ZNF600: variants seen among roughly 807,000 people sequenced by gnomAD.
ZNF600 encodes the protein zinc finger protein KR-ZNF1.
Under a neutral mutation model 7.3 loss-of-function variants are expected in ZNF600, and 4 were observed. The observed-to-expected ratio is 0.55, with a 90% CI of 0.27 to 1.25. The LOEUF is 1.25. Ranked by LOEUF, ZNF600 falls within the 50% of genes most tolerant of loss-of-function variation. ZNF600 has a pLI of 0.12. For missense variants in ZNF600, 911 were observed against 922.1 expected (o/e 0.99, Z 0.16); for synonymous variants, 290 against 308.9 (o/e 0.94, Z 0.64).
chr19:52,781,817 C>T (rs962318592), intron 1 of ZNF600, among the ~76,000 whole-genome samples: 1 of 151,346 alleles, frequency 6.6e-6, no homozygotes, highest in Non-Finnish European at 1.5e-5. Context: ...AATCTCAACA[C>T]TTTGGGAGGC....
the ZNF600 span, among the ~76,000 whole-genome samples, chr19:52,796,517 AG>A: frequency 3.3e-3 from 495 of 151,682 alleles, 9 homozygotes; most frequent in Non-Finnish European, 5.6e-4. Context: ...CTTAGACTGG[AG>A]TACAGTGGCA....
intron 2 of ZNF600, among the ~76,000 whole-genome samples, chr19:52,775,950 G>A (rs143939049): frequency 2.5e-3 from 381 of 151,806 alleles, no homozygotes; most frequent in South Asian, 5.4e-3. Context: ...AGGATGCAGT[G>A]TGCCAATATC....
At chr19:52,800,079 C>T in the ZNF600 span, 476 of 1,613,688 alleles carry the variant, frequency 2.9e-4, 2 homozygotes, top group African/African-American at 5.2e-3. Flanking sequence ...TGAATCCCTC[C>T]GGAAAGCCTT....
chr19:52,823,347 G>A, the ZNF600 span, among the ~76,000 whole-genome samples: 1 of 152,004 alleles, frequency 6.6e-6, no homozygotes, highest in Non-Finnish European at 1.5e-5. Flanking sequence ...CTGAGTAGCT[G>A]GGATTACAGG....
the ZNF600 span, among the ~76,000 whole-genome samples, chr19:52,828,113 G>A: frequency 4.9e-4 from 75 of 151,556 alleles, no homozygotes; most frequent in Middle Eastern, 3.4e-3. Flanking sequence ...GTAAAATGGC[G>A]CGATCTCACC....
rs767985073 is a variant in ZNF600 at position 52,766,814 on chromosome 19, T to C, written c.1149A>G (p.Lys383=). 4 of 1,614,022 alleles carry C rather than the reference T, an allele frequency of 2.5e-6. No individual in the cohort carries two copies. In the East Asian group the frequency reaches 8.9e-5, roughly 36 times the overall value. ...TTCTCTTATGTGACTCAAGGGTTGA[T>C]TTCCGACTGAAAACTTTGTCACATT... Residue 383 remains lysine, a synonymous_variant, in exon 4 of 4, where the codon AAA becomes AAG. Coordinates refer to ENST00000648973, the Ensembl canonical transcript of ZNF600.
At position 52,766,287 on chromosome 19, in the gene ZNF600, C is replaced by T. The variant is rs771090170; in HGVS notation, c.1676G>A (p.Arg559Lys). ...GTAAGGTTTCTCTCCACTATGAATT[C>T]TAGTATGTTTTGCCAGATAGGAATG... The change falls in exon 4 of 4, where the codon AGA becomes AAA. Residue 559 changes from arginine to lysine, a missense_variant. Physicochemically the swap from Arg to Lys is conservative, Grantham distance 26 (BLOSUM62 2). Coordinates refer to ENST00000648973, the Ensembl canonical transcript of ZNF600. 5 of 1,613,976 alleles carry T rather than the reference C, an allele frequency of 3.1e-6. No individual in the cohort carries two copies. The African/African-American group carries it at 6.7e-5, about 22-fold the overall frequency.
chr19:52,795,126 A>T, the ZNF600 span, among the ~76,000 whole-genome samples: 29 of 152,358 alleles, frequency 1.9e-4, no homozygotes, highest in Middle Eastern at 3.4e-3. Flanking sequence ...AGGTCAATCC[A>T]GCCCATCCTT....
At chr19:52,821,302 G>A in the ZNF600 span, among the ~76,000 whole-genome samples, 2 of 152,146 alleles carry the variant, frequency 1.3e-5, no homozygotes, top group Non-Finnish European at 2.9e-5. Context: ...ACTTTAAAAA[G>A]AGCCGTGCGG....
chr19:52,786,812 T>C, upstream of ZNF600: 1 of 334,474 alleles, frequency 3.0e-6, no homozygotes, highest in South Asian at 2.3e-5. Flanking sequence ...CGGGGCAGGT[T>C]GGCTGGACCT....
the ZNF600 span, among the ~76,000 whole-genome samples, chr19:52,830,183 G>A: frequency 6.6e-6 from 1 of 152,130 alleles, no homozygotes; most frequent in African/African-American, 2.4e-5. Context: ...TCAGGCAGGA[G>A]AATAGCTTGA....
chr19:52,785,273 G>A (rs1216992857), intron 1 of ZNF600, among the ~76,000 whole-genome samples: 1 of 149,750 alleles, frequency 6.7e-6, no homozygotes, highest in Non-Finnish European at 1.5e-5. Context: ...TTGAGATGGA[G>A]TTTCACTCTT....
chr19:52,818,823 C>T, the ZNF600 span, among the ~76,000 whole-genome samples: 2 of 144,288 alleles, frequency 1.4e-5, no homozygotes, highest in East Asian at 4.1e-4. Context: ...ATACAGGTTG[C>T]AGTGAGCCAA....
intron 2 of ZNF600, among the ~76,000 whole-genome samples, chr19:52,775,892 A>C (rs10406520): frequency 0.069 from 10,447 of 151,756 alleles, 1,121 homozygotes; most frequent in African/African-American, 0.23. Flanking sequence ...TGTAATCCCC[A>C]ATACTCGGGA....
At chr19:52,779,214 C>A (rs2062701044) in intron 1 of ZNF600, among the ~76,000 whole-genome samples, 4 of 152,200 alleles carry the variant, frequency 2.6e-5, no homozygotes, top group African/African-American at 9.6e-5. Flanking sequence ...CAGAGGACAG[C>A]CCCTCACCTC....
the ZNF600 span, among the ~76,000 whole-genome samples, chr19:52,808,791 C>T: frequency 4.0e-5 from 6 of 151,894 alleles, no homozygotes; most frequent in African/African-American, 1.5e-4. Context: ...CAAGCCTGGG[C>T]AACAAACCGA....
chr19:52,828,458 C>A, the ZNF600 span, among the ~76,000 whole-genome samples: 2 of 152,070 alleles, frequency 1.3e-5, no homozygotes, highest in East Asian at 3.9e-4. Context: ...CAGGGAGAGA[C>A]TTTCTCTCAA....
At chr19:52,829,727 G>A in the ZNF600 span, among the ~76,000 whole-genome samples, 331 of 151,938 alleles carry the variant, frequency 2.2e-3, 3 homozygotes, top group African/African-American at 6.5e-3. Flanking sequence ...GGACTGACTG[G>A]TCTCAAACTC....
chr19:52,810,938 G>T, the ZNF600 span, among the ~76,000 whole-genome samples: 2 of 120,102 alleles, frequency 1.7e-5, no homozygotes, highest in African/African-American at 6.3e-5. Flanking sequence ...CTCTGATGCC[G>T]AGCCAAAGCT....
Sources: allele counts gnomAD v4.1 joint callset (sites outside exome capture counted in the v4.1 genomes callset), GRCh38; gene constraint gnomAD v4.1.1; transcripts MANE v1.5; gene names NCBI Gene and HGNC (gene_info 2026-07-23, HGNC 2026-07-21).